The following KCNQ3 variants were observed in gnomAD, a reference collection of about 807,000 sequenced individuals.
KCNQ3 encodes potassium voltage-gated channel subfamily Q member 3.
In KCNQ3, 30 loss-of-function variants were observed where a neutral mutation model predicts 92.5. The ratio of observed to expected loss-of-function variants is 0.32; its 90% CI spans 0.24 to 0.44. KCNQ3 has a LOEUF of 0.44. Ranked by LOEUF, KCNQ3 falls within the 20% of genes least tolerant of loss-of-function variation. KCNQ3 has a pLI of 1.00. For missense variants in KCNQ3, 913 were observed against 1,140.3 expected, an observed-to-expected ratio of 0.80 and a Z score of 2.87; for synonymous variants, 450 against 468.8, an observed-to-expected ratio of 0.96 and a Z score of 0.52.
intron 1 of KCNQ3, among the ~76,000 whole-genome samples, chr8:132,389,404 T>C (rs545013250): frequency 5.3e-5 from 8 of 152,244 alleles, no homozygotes; most frequent in Non-Finnish European, 1.0e-4. Flanking sequence ...GATTGCGCCA[T>C]TGCACTCCAT....
intron 12 of KCNQ3, among the ~76,000 whole-genome samples, chr8:132,134,622 C>T (rs1421272612): frequency 6.6e-6 from 1 of 151,556 alleles, no homozygotes; most frequent in Non-Finnish European, 1.5e-5. Flanking sequence ...AAGACAGAGC[C>T]AGAGAGAACC....
intron 5 of KCNQ3, among the ~76,000 whole-genome samples, chr8:132,175,242 C>T (rs1826508641): frequency 6.6e-6 from 1 of 152,242 alleles, no homozygotes; most frequent in Non-Finnish European, 1.5e-5. Context: ...CAAGCCCTGG[C>T]TTCTTATAAA....
At chr8:132,156,875 G>A (rs1825811027) in intron 9 of KCNQ3, among the ~76,000 whole-genome samples, 1 of 152,162 alleles carries the variant, frequency 6.6e-6, no homozygotes, top group Admixed American at 6.6e-5. Context: ...AGAAATGAGA[G>A]GGAGTTTGGG....
At chr8:132,386,442 AT>A (rs1332279465) in intron 1 of KCNQ3, among the ~76,000 whole-genome samples, 1 of 152,162 alleles carries the variant, frequency 6.6e-6, no homozygotes. Flanking sequence ...AATCTCAAAA[AT>A]ATTAATTATA....
chr8:132,159,613 T>C (rs183125552), intron 9 of KCNQ3, among the ~76,000 whole-genome samples: 1 of 152,342 alleles, frequency 6.6e-6, no homozygotes, highest in African/African-American at 2.4e-5. Flanking sequence ...TGTTAGTATC[T>C]ACTGCTTCAC....
Position 132,458,911 on chromosome 8 carries a change from C to T in KCNQ3, c.386+21236G>A, listed in dbSNP as rs535645545. 2.0e-5 allele frequency among the ~76,000 whole-genome samples: 3 copies of T among 152,294 alleles called. No individual in the cohort carries two copies. The East Asian group carries it at 5.8e-4, about 29-fold the overall frequency. On this transcript the variant is annotated intron_variant, in intron 1 of 14. Transcript: ENST00000388996. ...TAATGCATTTTTATTAACTAAAGTC[C>T]ATACTTTATTCAGATTCCCTTAGTT...
At chr8:132,355,909 T>A (rs1231439057) in intron 1 of KCNQ3, among the ~76,000 whole-genome samples, 2 of 152,228 alleles carry the variant, frequency 1.3e-5, no homozygotes, top group Non-Finnish European at 1.5e-5. Flanking sequence ...GATTCTCCAA[T>A]GGTCCTTTTA....
chr8:132,191,286 C>A (rs1035850680), intron 1 of KCNQ3, among the ~76,000 whole-genome samples: 2 of 152,096 alleles, frequency 1.3e-5, no homozygotes, highest in African/African-American at 4.8e-5. Context: ...CTACAGGTCC[C>A]AAGTAGCTGG....
At chr8:132,262,849 C>A (rs1056053248) in intron 1 of KCNQ3, among the ~76,000 whole-genome samples, 2 of 152,062 alleles carry the variant, frequency 1.3e-5, no homozygotes, top group East Asian at 1.9e-4. Context: ...ACTGAAACAC[C>A]GCCACTCACC....
intron 10 of KCNQ3, 160 bp downstream of exon 10, chr8:132,140,966 CAGG>C (rs984750917): frequency 1.4e-6 from 1 of 693,574 alleles, no homozygotes; most frequent in East Asian, 2.7e-5. Flanking sequence ...GCCCAAGGGA[CAGG>C]AGGAGTTAGG....
intron 4 of KCNQ3, among the ~76,000 whole-genome samples, chr8:132,177,374 C>A (rs80263085): frequency 0.028 from 4,246 of 152,288 alleles, 228 homozygotes; most frequent in African/African-American, 0.098. Flanking sequence ...GGTAGCTCCT[C>A]TACCTGCTGA....
At chr8:132,186,964 G>GAC (rs1826987176) in intron 1 of KCNQ3, among the ~76,000 whole-genome samples, 2 of 125,530 alleles carry the variant, frequency 1.6e-5, no homozygotes, top group African/African-American at 6.5e-5. Context: ...GACAGAGAGA[G>GAC]AGAGAGAGAG....
At chr8:132,141,464 G>T in intron 9 of KCNQ3, 133 bp from the exon 10 acceptor site, 1 of 804,838 alleles carries the variant, frequency 1.2e-6, no homozygotes, top group Non-Finnish European at 2.1e-6. Context: ...TGCTGAATCT[G>T]ACTCAGCAGC....
chr8:132,389,294 C>A (rs1257469803), intron 1 of KCNQ3, among the ~76,000 whole-genome samples: 1 of 151,842 alleles, frequency 6.6e-6, no homozygotes, highest in African/African-American at 2.4e-5. Flanking sequence ...CCGTCTCTAC[C>A]AAAAATACAA....
chr8:132,344,571 C>A (rs1818624641), intron 1 of KCNQ3, among the ~76,000 whole-genome samples: 1 of 152,138 alleles, frequency 6.6e-6, no homozygotes, highest in Admixed American at 6.5e-5. Context: ...AAACTGAGGC[C>A]TGGAGGAGTA....
intron 1 of KCNQ3, among the ~76,000 whole-genome samples, chr8:132,247,368 G>T (rs760581058): frequency 3.3e-5 from 5 of 152,122 alleles, no homozygotes; most frequent in Non-Finnish European, 7.4e-5. Context: ...GGTCCCCCAG[G>T]TTTGATGAAG....
intron 1 of KCNQ3, among the ~76,000 whole-genome samples, chr8:132,223,988 T>C (rs1396090221): frequency 1.3e-5 from 2 of 150,542 alleles, no homozygotes; most frequent in Non-Finnish European, 3.0e-5. Context: ...TGATCATAGC[T>C]CACTGCAACC....
chr8:132,176,618 G>A (rs1826563654), intron 4 of KCNQ3, among the ~76,000 whole-genome samples: 1 of 152,180 alleles, frequency 6.6e-6, no homozygotes, highest in East Asian at 1.9e-4. Flanking sequence ...TCCTGACAGG[G>A]TTGCTTCCTG....
rs1554651755 is a variant in KCNQ3, at chr8:132,403,016, C to CAAAAACAAA, written c.386+77130_386+77131insTTTGTTTTT. Among the ~76,000 whole-genome samples, 25 of 67,628 alleles carry CAAAAACAAA rather than the reference C, an allele frequency of 3.7e-4. 2 individuals are homozygous for CAAAAACAAA. The highest frequency in any genetic ancestry group is 2.1e-3 in the African/African-American group (25 of 11,698). 44.4% of individuals were successfully genotyped at this position (67,628 alleles called of 152,430 possible). ...CTGGCAACAGGGCGAGGCACCATCA[C>CAAAAACAAA]AAAAAAAAAAAAAAAAGTGTCAATA... On this transcript the variant is annotated intron_variant, in intron 1 of 14. Coordinates refer to ENST00000388996, the MANE Select transcript of KCNQ3 (RefSeq NM_004519.4).
Sources: gnomAD v4.1 joint callset for allele counts (sites outside exome capture counted in the v4.1 genomes callset) on GRCh38, gnomAD v4.1.1 for gene constraint, MANE v1.5 for transcripts, NCBI Gene and HGNC (gene_info 2026-07-23, HGNC 2026-07-21) for gene names.